The following PDZD9 variants were observed in gnomAD, a reference collection of about 807,000 sequenced individuals.
PDZD9 encodes PDZ domain containing 9.
Under a neutral mutation model 16.3 loss-of-function variants are expected in PDZD9, and 13 were observed. The observed-to-expected ratio is 0.80, with a 90% CI of 0.52 to 1.27. The LOEUF (loss-of-function observed/expected upper bound fraction) is 1.27. Among genes scored for constraint, PDZD9 ranks in the 50% most tolerant of loss-of-function variants. The pLI is 0.00. For synonymous variants in PDZD9, 120 were observed against 111.0 expected, an observed-to-expected ratio of 1.08 and a Z score of -0.51; for missense variants, 288 against 310.9, an observed-to-expected ratio of 0.93 and a Z score of 0.55.
chr16:21,993,823 G>C (rs1467837293), intron 2 of PDZD9, among the ~76,000 whole-genome samples: 1 of 152,142 alleles, frequency 6.6e-6, no homozygotes, highest in Non-Finnish European at 1.5e-5. Flanking sequence ...AGAGATGATT[G>C]CCAATATTTC....
Position 21,988,696 on chromosome 16 carries a change from G to A in PDZD9, c.307C>T (p.Leu103=), listed in dbSNP as rs1898945060. The A allele has an allele frequency of 6.2e-7, 1 of 1,612,456 alleles. No homozygotes were observed. The highest frequency in any genetic ancestry group is 1.7e-5 in the Admixed American group (1 of 59,980). Residue 103 remains leucine (L), a synonymous_variant, in exon 3 of 4, where the codon CTA becomes TTA. Transcript: ENST00000424898. ...AAATCTCGGTAAACCTTGATTTGTAGCACTGTTCCAATAGTGATATGTTGC... is the reference window on the plus strand; with the variant it reads ...AAATCTCGGTAAACCTTGATTTGTAACACTGTTCCAATAGTGATATGTTGC... The part of the protein sequence containing the change: ...LLQHITIGTV[L]QIKVYRDFIN...
intron 2 of PDZD9, chr16:21,995,397 A>G (rs1899123595): frequency 2.8e-6 from 1 of 359,366 alleles, no homozygotes; most frequent in Non-Finnish European, 5.6e-6. Context: ...ACGGACTAAT[A>G]TAGACAGCAT....
At chr16:21,997,632 A>G (rs916277505) in intron 1 of PDZD9, among the ~76,000 whole-genome samples, 1 of 152,228 alleles carries the variant, frequency 6.6e-6, no homozygotes, top group Admixed American at 6.5e-5. Context: ...GAAAATCCGA[A>G]GGCCTTGGAG....
chr16:21,961,569 T>A, the PDZD9 span: 1 of 146,022 alleles, frequency 6.8e-6, no homozygotes, highest in South Asian at 2.1e-4. Flanking sequence ...TACGAAAAGA[T>A]CTTCAACTTT....
intron 2 of PDZD9, among the ~76,000 whole-genome samples, chr16:21,991,489 C>G (rs1251761423): frequency 6.6e-6 from 1 of 152,180 alleles, no homozygotes; most frequent in Non-Finnish European, 1.5e-5. Context: ...CCCGCCTCAG[C>G]TTCTCAAAGT....
At chr16:21,966,053 C>T in the PDZD9 span, among the ~76,000 whole-genome samples, 1 of 150,828 alleles carries the variant, frequency 6.6e-6, no homozygotes, top group Non-Finnish European at 1.5e-5. Context: ...GTGGCTCATG[C>T]GTGTAATCTC....
At chr16:21,976,847 T>A in the PDZD9 span, 1 of 152,228 alleles carries the variant, frequency 6.6e-6, no homozygotes, top group Non-Finnish European at 1.5e-5. Context: ...GCAATGATTC[T>A]GTTTCCATTG....
chr16:21,988,369 G>A (rs926378390), intron 3 of PDZD9, among the ~76,000 whole-genome samples: 2 of 152,084 alleles, frequency 1.3e-5, no homozygotes, highest in Non-Finnish European at 2.9e-5. Flanking sequence ...TAGGCATGGG[G>A]ACAAAATTCC....
At chr16:21,987,802 C>T (rs905102020) in intron 3 of PDZD9, among the ~76,000 whole-genome samples, 24 of 151,848 alleles carry the variant, frequency 1.6e-4, no homozygotes, top group Admixed American at 1.1e-3. Flanking sequence ...TTCGAGGAAA[C>T]AGAGGTGTCT....
chr16:21,957,699 G>A, the PDZD9 span: 42 of 1,302,980 alleles, frequency 3.2e-5, no homozygotes, highest in Admixed American at 4.4e-4. Context: ...GGACTGGGTA[G>A]CTTAAACCAA....
the PDZD9 span, among the ~76,000 whole-genome samples, chr16:21,972,931 C>G: frequency 6.6e-6 from 1 of 152,142 alleles, no homozygotes; most frequent in Non-Finnish European, 1.5e-5. Flanking sequence ...GAAACCCTGT[C>G]TCTACTAAAA....
chr16:21,998,026 A>T lies in PDZD9; in HGVS notation c.32-1525T>A, dbSNP rs144385576. On this transcript the variant is annotated intron_variant, in intron 1 of 3. Coordinates refer to ENST00000424898, the MANE Select transcript of PDZD9 (RefSeq NM_001363519.1). ...CCATCTCCAACCTCACCTTCCCCCA[A>T]ACCACAGATGCTCTCTGTTTGGGAA... 9.2e-5 allele frequency among the ~76,000 whole-genome samples: 14 copies of T among 152,256 alleles called. No homozygotes were observed. The East Asian group carries it at 2.5e-3, about 27-fold the overall frequency.
rs1263446962 is a variant in PDZD9 at position 21,988,583 on chromosome 16, C to G, written c.401+19G>C. ...GGATTCTGTATTATAACAAAGAGTT[C>G]CTAAAATGAACTATTTACCTTGTTA... On this transcript the variant is annotated intron_variant, in intron 3 of 3. Coordinates refer to ENST00000424898, the MANE Select transcript of PDZD9 (RefSeq NM_001363519.1). 3.2e-6 allele frequency: 5 copies of G among 1,578,472 alleles called. No individual in the cohort carries two copies. The highest frequency in any genetic ancestry group is 4.3e-6 in the Non-Finnish European group (5 of 1,154,508).
rs956999655 is a variant in PDZD9 at position 21,984,050 on chromosome 16, C to G, written c.*217G>C. On this transcript the variant is annotated 3_prime_UTR_variant, in exon 4 of 4. Transcript: ENST00000424898. The stretch of plus-strand genomic sequence containing the variant: ...AGAAATTCTTCTCAAAAAGGAGGGT[C>G]TTATTCTGAAAATAAGATTTGTGAG... The G allele has an allele frequency of 6.6e-6, 3 of 453,360 alleles. No homozygotes were observed. The highest frequency in any genetic ancestry group is 1.2e-5 in the Non-Finnish European group (3 of 257,812). The allele number at this position is 453,360 out of a possible 1,614,324, so 28.1% of individuals were successfully genotyped here. A position where few individuals can be genotyped will look rare whatever the true frequency, so the allele number is the denominator to read the frequency against.
At chr16:21,975,445 G>C in the PDZD9 span, among the ~76,000 whole-genome samples, 4 of 152,066 alleles carry the variant, frequency 2.6e-5, no homozygotes, top group Non-Finnish European at 4.4e-5. Flanking sequence ...TAAAATGAAG[G>C]GGAAACAGAG....
chr16:22,000,141 C>T (rs1487697987), intron 1 of PDZD9, among the ~76,000 whole-genome samples: 1 of 152,090 alleles, frequency 6.6e-6, no homozygotes, highest in African/African-American at 2.4e-5. Flanking sequence ...GAATTGGAGG[C>T]TGCAGTGAGC....
intron 2 of PDZD9, among the ~76,000 whole-genome samples, chr16:21,994,265 A>C (rs1268403894): frequency 6.6e-6 from 1 of 152,246 alleles, no homozygotes; most frequent in Non-Finnish European, 1.5e-5. Context: ...CCCAATTCAA[A>C]GATGAGGTGA....
chr16:21,961,627 T>TAC, the PDZD9 span, among the ~76,000 whole-genome samples: 1 of 2,138 alleles, frequency 4.7e-4, no homozygotes, highest in Non-Finnish European at 6.7e-4. Context: ...ACATAAAATT[T>TAC]ATATATATAT....
chr16:21,959,034 T>C, the PDZD9 span, among the ~76,000 whole-genome samples: 1 of 152,232 alleles, frequency 6.6e-6, no homozygotes, highest in South Asian at 2.1e-4. Flanking sequence ...TTAACAGTTA[T>C]CTGAATCTTC....
Sources: allele counts gnomAD v4.1 joint callset (sites outside exome capture counted in the v4.1 genomes callset), GRCh38; gene constraint gnomAD v4.1.1; transcripts MANE v1.5; gene names NCBI Gene and HGNC (gene_info 2026-07-23, HGNC 2026-07-21).